The following RFTN1 variants were observed in gnomAD, a reference collection of about 807,000 sequenced individuals.
The protein encoded by RFTN1 is raftlin, lipid raft linker 1.
RFTN1 carries 26 observed loss-of-function variants against 46.5 expected under a neutral mutation model. The ratio of observed to expected loss-of-function variants is 0.56; its 90% confidence interval spans 0.41 to 0.78. The LOEUF (loss-of-function observed/expected upper bound fraction) is 0.78. Ranked by LOEUF, RFTN1 falls within the 30% of genes least tolerant of loss-of-function variation. The probability of loss-of-function intolerance (pLI) is 0.00; values close to 1 mark genes in which losing one functional copy is unlikely to be tolerated. For missense variants in RFTN1, 693 were observed against 718.7 expected (o/e 0.96, Z 0.41); for synonymous variants, 261 against 284.2 (o/e 0.92, Z 0.82).
intron 3 of RFTN1, among the ~76,000 whole-genome samples, chr3:16,411,332 G>T (rs970994866): frequency 6.6e-6 from 1 of 152,174 alleles, no homozygotes; most frequent in African/African-American, 2.4e-5. Context: ...TTAACCATCT[G>T]TGTATGATTC....
At chr3:16,318,916 C>T (rs1161617998) in intron 9 of RFTN1, among the ~76,000 whole-genome samples, 1 of 152,206 alleles carries the variant, frequency 6.6e-6, no homozygotes, top group African/African-American at 2.4e-5. Context: ...TAAGTGGTGT[C>T]TCAGACCCAC....
rs757174668 is a variant in RFTN1 at position 16,317,085 on chromosome 3, A to G, written c.1480T>C (p.Cys494Arg). The G allele has an allele frequency of 6.2e-7, 1 of 1,613,676 alleles. No individual in the cohort carries two copies. Among genetic ancestry groups the G allele is most frequent in the Non-Finnish European group, 8.5e-7 (1 of 1,179,964 alleles). ...CCCTCCTGCTGCTGTCCTGAAACAC[A>G]GTTTCCCATGTCTCCAGCTTTGGAA... ...QSSKAGDMGN[C>R]VSGQQQEGGV... is the part of the protein sequence containing the mutation. The change falls in exon 10 of 10, where the codon TGT (cysteine) becomes CGT (arginine). Residue 494 changes from cysteine (C) to arginine (R), a missense_variant. By Grantham distance (180) the Cys-to-Arg change is radical. Coordinates refer to ENST00000334133, the MANE Select transcript of RFTN1 (RefSeq NM_015150.2). The surrounding 1 kb of genome is among the most constrained non-coding windows in gnomAD (Gnocchi z 4.3).
In RFTN1 at chr3:16,428,222, G is replaced by A. The variant is rs13066121; in HGVS notation, c.332+5629C>T. On this transcript the variant is annotated intron_variant, in intron 3 of 9. Transcript: ENST00000334133. This position sits in a 1 kb window ranked among gnomAD's most constrained non-coding sequence, Gnocchi z 4.7. ...CCAGAATGAACTCGAGAAGGGAGGC[G>A]TGGAGTTCCTGTTCCCTCAATGCCA... is the stretch of plus-strand genomic sequence containing the variant. Among the ~76,000 whole-genome samples, 2 of 152,196 alleles carry A rather than the reference G, an allele frequency of 1.3e-5. No homozygotes were observed. The highest frequency in any genetic ancestry group is 4.8e-5 in the African/African-American group (2 of 41,460).
chr3:16,376,744 T>C lies in RFTN1; in HGVS notation c.826+974A>G, dbSNP rs1400305675. 6.6e-6 allele frequency among the ~76,000 whole-genome samples: 1 copy of C among 152,222 alleles called. No individual in the cohort carries two copies. The highest frequency in any genetic ancestry group is 1.5e-5 in the Non-Finnish European group (1 of 68,034). ...CCAATATCTCCCTCTAAATCAACTT[T>C]GCAAATAAGCCCCTGGAATTAACCA... On this transcript the variant is annotated intron_variant, in intron 5 of 9. Coordinates refer to ENST00000334133, the MANE Select transcript of RFTN1 (RefSeq NM_015150.2). This position sits in a 1 kb window ranked among gnomAD's most constrained non-coding sequence, Gnocchi z 4.7.
At position 16,421,296 on chromosome 3, in the gene RFTN1, T is replaced by G. The variant is rs531906138; in HGVS notation, c.333-11813A>C. On this transcript the variant is annotated intron_variant, in intron 3 of 9. Coordinates refer to ENST00000334133, the MANE Select transcript of RFTN1 (RefSeq NM_015150.2). This position sits in a 1 kb window ranked among gnomAD's most constrained non-coding sequence, Gnocchi z 4.6. The stretch of plus-strand genomic sequence containing the variant: ...CACACTTTTCAAAAAGTCTTCTTGA[T>G]AATTCCAAATTTCTAAATCAGATCT... 1.5e-4 allele frequency among the ~76,000 whole-genome samples: 23 copies of G among 152,174 alleles called. No individual in the cohort carries two copies. The highest frequency in any genetic ancestry group is 5.5e-4 in the African/African-American group (23 of 41,548).
rs2124903995 is a variant in RFTN1 at position 16,450,379 on chromosome 3, G to A, written c.146-16342C>T. On this transcript the variant is annotated intron_variant, in intron 2 of 9. Transcript: ENST00000334133. The surrounding 1 kb of genome is among the most constrained non-coding windows in gnomAD (Gnocchi z 4.6). The stretch of plus-strand genomic sequence containing the variant: ...GGGGAGGCTGAAGAGATAGTGTCTG[G>A]CCACATCCAGGTGCACAGAGGTGGT... Among the ~76,000 whole-genome samples the A allele has an allele frequency of 2.0e-5, 3 of 152,278 alleles. No individual in the cohort carries two copies. The East Asian group carries it at 5.8e-4, about 29-fold the overall frequency.
rs1487753469 is a variant in RFTN1 at position 16,489,021 on chromosome 3, T to C, written c.145+4704A>G. On this transcript the variant is annotated intron_variant, in intron 2 of 9. Transcript: ENST00000334133. This position sits in a 1 kb window ranked among gnomAD's most constrained non-coding sequence, Gnocchi z 4.0. ...AAAACAGAAAACACACCAAACAACA[T>C]AAATCAATCTTAAATGAGTAAGTTG... is the stretch of plus-strand genomic sequence containing the variant. 6.6e-6 allele frequency among the ~76,000 whole-genome samples: 1 copy of C among 152,154 alleles called. No individual in the cohort carries two copies. The highest frequency in any genetic ancestry group is 1.5e-5 in the Non-Finnish European group (1 of 68,020).
Position 16,334,465 on chromosome 3 carries a change from G to C in RFTN1, c.1147-7589C>G, listed in dbSNP as rs1337817794. 1.3e-5 allele frequency among the ~76,000 whole-genome samples: 2 copies of C among 152,188 alleles called. No individual in the cohort carries two copies. Among genetic ancestry groups the C allele is most frequent in the African/African-American group, 2.4e-5 (1 of 41,432 alleles). ...AATGCACAGAGTTATTCACTGGAGA[G>C]CGGTCTGCAGTAGCAAGACACTGGA... On this transcript the variant is annotated intron_variant, in intron 7 of 9. Transcript: ENST00000334133. The surrounding 1 kb of genome is among the most constrained non-coding windows in gnomAD (Gnocchi z 4.3).
At chr3:16,409,513 CAG>C (rs747904133) in intron 3 of RFTN1, 30 bp from the exon 4 acceptor site, 1 of 1,419,594 alleles carries the variant, frequency 7.0e-7, no homozygotes, top group South Asian at 1.1e-5. Context: ...CACACAGAAA[CAG>C]ATTAATATCT....
chr3:16,339,407 A>T (rs1291812341), intron 7 of RFTN1: 2 of 152,248 alleles, frequency 1.3e-5, no homozygotes, highest in African/African-American at 4.8e-5. Context: ...CTCCAGCTGG[A>T]ATATCCTGCC....
Position 16,404,386 on chromosome 3 carries a change from TA to T in RFTN1, c.441+4988del, listed in dbSNP as rs1410504839. 0.01 allele frequency among the ~76,000 whole-genome samples: 159 copies of T among 15,322 alleles called. 33 individuals carry two copies. The African/African-American group carries it at 0.12, about 12-fold the overall frequency. The allele number at this position is 15,322 out of a possible 152,430, so 10.1% of individuals were successfully genotyped here. On this transcript the variant is annotated intron_variant, in intron 4 of 9. Transcript: ENST00000334133. Reference sequence around the variant, plus strand: ...CACAATATATAATATATATAATATATAATATATATACAATATATAATATATA... The same window carrying T: ...CACAATATATAATATATATAATATATATATATATACAATATATAATATATA...
rs1023698638 is a variant in RFTN1 at position 16,322,313 on chromosome 3, C to A, written c.1332+1063G>T. 2.0e-5 allele frequency among the ~76,000 whole-genome samples: 3 copies of A among 152,230 alleles called. No individual in the cohort carries two copies. Among genetic ancestry groups the A allele is most frequent in the Admixed American group, 1.3e-4 (2 of 15,280 alleles). On this transcript the variant is annotated intron_variant, in intron 9 of 9. Transcript: ENST00000334133. The surrounding 1 kb of genome is among the most constrained non-coding windows in gnomAD (Gnocchi z 6.2). ...TTCAAGTCACCATTGCTTTGGCACTCCTTCCACAAGTGGGCTCCCCCTGGA... is the reference window on the plus strand; with the variant it reads ...TTCAAGTCACCATTGCTTTGGCACTACTTCCACAAGTGGGCTCCCCCTGGA...
intron 2 of RFTN1, among the ~76,000 whole-genome samples, chr3:16,435,945 TC>T (rs1194153170): frequency 6.3e-5 from 8 of 126,148 alleles, no homozygotes; most frequent in South Asian, 2.6e-4. Context: ...TATATATATA[TC>T]ACACACATAT....
intron 6 of RFTN1, among the ~76,000 whole-genome samples, chr3:16,368,431 G>A (rs970388028): frequency 1.3e-5 from 2 of 152,172 alleles, no homozygotes; most frequent in African/African-American, 4.8e-5. Flanking sequence ...CAGCACTTTG[G>A]GAGGCCAAGG....
chr3:16,489,071 G>A lies in RFTN1; in HGVS notation c.145+4654C>T, dbSNP rs1261170768. Among the ~76,000 whole-genome samples, 1 of 152,148 alleles carries A rather than the reference G, an allele frequency of 6.6e-6. No individual in the cohort carries two copies. The highest frequency in any genetic ancestry group is 1.9e-4 in the East Asian group (1 of 5,198). On this transcript the variant is annotated intron_variant, in intron 2 of 9. Coordinates refer to ENST00000334133, the MANE Select transcript of RFTN1 (RefSeq NM_015150.2). The surrounding 1 kb of genome is among the most constrained non-coding windows in gnomAD (Gnocchi z 4.0). ...GAGTGAATGAGAAGAGCTAGGTTTT[G>A]AAAAAGAGTACGTACTATTTGATTC...
rs1177698195 is a variant in RFTN1 at position 16,327,741 on chromosome 3, A to C, written c.1147-865T>G. On this transcript the variant is annotated intron_variant, in intron 7 of 9. Transcript: ENST00000334133. This position sits in a 1 kb window ranked among gnomAD's most constrained non-coding sequence, Gnocchi z 4.2. The stretch of plus-strand genomic sequence containing the variant: ...GCACCACTGCACTCCAGCCTGGGTG[A>C]CAGAGCGGGATTCCCATCTCAAAAA... Among the ~76,000 whole-genome samples, 4 of 149,966 alleles carry C rather than the reference A, an allele frequency of 2.7e-5. No homozygotes were observed. Among genetic ancestry groups the C allele is most frequent in the Non-Finnish European group, 1.5e-5 (1 of 67,518 alleles).
In RFTN1 at chr3:16,421,528, T is replaced by C. The variant is rs905210165; in HGVS notation, c.333-12045A>G. 6.6e-6 allele frequency among the ~76,000 whole-genome samples: 1 copy of C among 151,980 alleles called. No homozygotes were observed. Among genetic ancestry groups the C allele is most frequent in the African/African-American group, 2.4e-5 (1 of 41,362 alleles). On this transcript the variant is annotated intron_variant, in intron 3 of 9. Coordinates refer to ENST00000334133, the MANE Select transcript of RFTN1 (RefSeq NM_015150.2). The surrounding 1 kb of genome is among the most constrained non-coding windows in gnomAD (Gnocchi z 4.6). The stretch of plus-strand genomic sequence containing the variant: ...CACCATGCCCAGCTAATTTTTGTAT[T>C]TTTAGTAGAGACAGGGTTTCACCAT...
intron 3 of RFTN1, among the ~76,000 whole-genome samples, chr3:16,417,545 C>T (rs1179567633): frequency 6.6e-6 from 1 of 152,108 alleles, no homozygotes; most frequent in Non-Finnish European, 1.5e-5. Flanking sequence ...TCAGGTTGAC[C>T]TCATTACTCA....
intron 4 of RFTN1, among the ~76,000 whole-genome samples, chr3:16,406,512 C>G (rs957529898): frequency 6.6e-6 from 1 of 152,172 alleles, no homozygotes; most frequent in Admixed American, 6.5e-5. Context: ...GGAGACACTG[C>G]GGGTCAGAAA....
Sources: gnomAD v4.1 joint callset for allele counts (sites outside exome capture counted in the v4.1 genomes callset) on GRCh38, gnomAD v4.1.1 for gene constraint, Gnocchi (gnomAD v3.1) non-coding constraint, MANE v1.5 for transcripts, NCBI Gene and HGNC (gene_info 2026-07-23, HGNC 2026-07-21) for gene names.